The following NRXN3 variants were observed in gnomAD, a reference collection of about 807,000 sequenced individuals.
NRXN3 encodes the protein neurexin III.
A neutral mutation model predicts 137.6 loss-of-function variants in NRXN3; 32 were observed. The ratio of observed to expected loss-of-function variants is 0.23; its 90% CI spans 0.18 to 0.31. NRXN3 has a LOEUF of 0.31. Among genes scored for constraint, NRXN3 ranks in the 10% least tolerant of loss-of-function variants. The pLI is 1.00. For missense variants in NRXN3, 1,574 were observed against 2,062.5 expected (o/e 0.76, Z 4.59); for synonymous variants, 798 against 784.5 (o/e 1.02, Z -0.29).
chr14:79,467,772 G>T (rs957047669), intron 16 of NRXN3, among the ~76,000 whole-genome samples: 1 of 152,112 alleles, frequency 6.6e-6, no homozygotes, highest in Non-Finnish European at 1.5e-5. Context: ...AATCTCCTAG[G>T]CTGGGATTTG....
chr14:78,652,791 G>A (rs1413579453), intron 6 of NRXN3, among the ~76,000 whole-genome samples: 2 of 152,198 alleles, frequency 1.3e-5, no homozygotes, highest in South Asian at 4.1e-4. Context: ...GATAATCATT[G>A]AGTACCTTTT....
At chr14:78,553,314 G>T (rs1248735525) in intron 4 of NRXN3, among the ~76,000 whole-genome samples, 2 of 152,170 alleles carry the variant, frequency 1.3e-5, no homozygotes, top group Admixed American at 1.3e-4. Flanking sequence ...GGAGCTGAAA[G>T]AATGAACCCT....
chr14:78,479,434 T>C (rs1469952665), intron 4 of NRXN3, among the ~76,000 whole-genome samples: 9 of 152,208 alleles, frequency 5.9e-5, no homozygotes, highest in Non-Finnish European at 1.5e-5. Flanking sequence ...TAACACATCC[T>C]TGGGTGATGC....
intron 4 of NRXN3, among the ~76,000 whole-genome samples, chr14:78,572,458 A>G (rs889279413): frequency 6.6e-6 from 1 of 152,182 alleles, no homozygotes; most frequent in African/African-American, 2.4e-5. Context: ...TAGTGTTTTC[A>G]GTTTCCAGAG....
At chr14:79,073,570 T>G (rs2099691178) in intron 15 of NRXN3, among the ~76,000 whole-genome samples, 1 of 152,192 alleles carries the variant, frequency 6.6e-6, no homozygotes. Context: ...GTTTGGTGGC[T>G]TAGGTCCTTA....
intron 20 of NRXN3, among the ~76,000 whole-genome samples, chr14:79,845,010 C>T (rs1244448675): frequency 6.6e-6 from 1 of 152,136 alleles, no homozygotes; most frequent in African/African-American, 2.4e-5. Flanking sequence ...CATTAGAACT[C>T]GCTGCTTCAC....
At chr14:78,261,530 A>G (rs2070719937) in intron 2 of NRXN3, among the ~76,000 whole-genome samples, 1 of 152,214 alleles carries the variant, frequency 6.6e-6, no homozygotes, top group African/African-American at 2.4e-5. Context: ...GTCCACCACT[A>G]TCCAAAAGGC....
At chr14:78,350,273 G>A (rs1333771270) in intron 4 of NRXN3, among the ~76,000 whole-genome samples, 1 of 148,244 alleles carries the variant, frequency 6.7e-6, no homozygotes, top group Non-Finnish European at 1.5e-5. Context: ...TGGACAACAA[G>A]AGCGGAACTT....
chr14:79,830,465 C>T (rs1603617787), intron 20 of NRXN3, among the ~76,000 whole-genome samples: 1 of 152,092 alleles, frequency 6.6e-6, no homozygotes, highest in Admixed American at 6.6e-5. Flanking sequence ...ATAGAGGAAC[C>T]AAGTAAGAGA....
At chr14:78,322,069 A>G (rs1318261654) in intron 4 of NRXN3, among the ~76,000 whole-genome samples, 1 of 151,768 alleles carries the variant, frequency 6.6e-6, no homozygotes, top group African/African-American at 2.4e-5. Flanking sequence ...ACTACCCTCA[A>G]TCTGCATACC....
At chr14:78,369,732 A>G (rs561716529) in intron 4 of NRXN3, among the ~76,000 whole-genome samples, 152 of 152,292 alleles carry the variant, frequency 1.0e-3, no homozygotes, top group African/African-American at 3.5e-3. Flanking sequence ...AAGCCGGTGT[A>G]GCTTCTGGTA....
intron 20 of NRXN3, among the ~76,000 whole-genome samples, chr14:79,808,268 A>G (rs1252994235): frequency 6.9e-6 from 1 of 144,040 alleles, no homozygotes; most frequent in South Asian, 2.2e-4. Context: ...ATATATATAT[A>G]TATATATGTA....
chr14:79,114,553 A>G lies in NRXN3; in HGVS notation c.3262+126412A>G, dbSNP rs562195298. Among the ~76,000 whole-genome samples, 3 of 152,330 alleles carry G rather than the reference A, an allele frequency of 2.0e-5. No homozygotes were observed. In the East Asian group the frequency reaches 5.8e-4, roughly 29 times the overall value. ...TTAAATGATTACTCAAAAGTGGTCT[A>G]CTATATTAGGTTTTGTGTATATTAC... On this transcript the variant is annotated intron_variant, in intron 15 of 20. Coordinates refer to ENST00000335750, the MANE Select transcript of NRXN3 (RefSeq NM_001330195.2).
At chr14:79,667,532 G>A (rs2098569553) in intron 17 of NRXN3, among the ~76,000 whole-genome samples, 1 of 151,864 alleles carries the variant, frequency 6.6e-6, no homozygotes, top group African/African-American at 2.4e-5. Flanking sequence ...TGGGCACAGG[G>A]CATGTAGCAC....
intron 19 of NRXN3, among the ~76,000 whole-genome samples, chr14:79,711,289 G>A (rs1481608693): frequency 6.6e-6 from 1 of 152,164 alleles, no homozygotes; most frequent in African/African-American, 2.4e-5. Context: ...GAGCTTCAGA[G>A]ATGGGCCATT....
intron 4 of NRXN3, among the ~76,000 whole-genome samples, chr14:78,528,089 CA>C (rs1319894775): frequency 1.3e-5 from 2 of 152,184 alleles, no homozygotes; most frequent in African/African-American, 2.4e-5. Context: ...CTTTGCTTTT[CA>C]AAGTATTCCC....
At chr14:79,021,642 A>G (rs1487438820) in intron 15 of NRXN3, among the ~76,000 whole-genome samples, 3 of 152,156 alleles carry the variant, frequency 2.0e-5, no homozygotes, top group Non-Finnish European at 4.4e-5. Flanking sequence ...ACTAGATTGA[A>G]TGTAATAAGT....
chr14:78,737,786 A>G (rs2098547568), intron 8 of NRXN3, among the ~76,000 whole-genome samples: 1 of 152,094 alleles, frequency 6.6e-6, no homozygotes, highest in African/African-American at 2.4e-5. Context: ...AAGTCGTTGG[A>G]AGCTGCTTAG....
chr14:78,593,430 C>T (rs1280157250), intron 4 of NRXN3, among the ~76,000 whole-genome samples: 1 of 152,144 alleles, frequency 6.6e-6, no homozygotes, highest in Admixed American at 6.5e-5. Context: ...GGCCTCAGGC[C>T]CCTCTCTCCC....
Sources: allele counts gnomAD v4.1 joint callset (sites outside exome capture counted in the v4.1 genomes callset), GRCh38; gene constraint gnomAD v4.1.1; transcripts MANE v1.5; gene names NCBI Gene and HGNC (gene_info 2026-07-23, HGNC 2026-07-21).